CLUAP1: variants seen among roughly 807,000 people sequenced by gnomAD.
CLUAP1 encodes intraflagellar transport 38.
In CLUAP1, 50 loss-of-function variants were observed where a neutral mutation model predicts 55.0. That is an observed-to-expected ratio of 0.91 (90% CI 0.72 to 1.15). The LOEUF is 1.15. Among genes scored for constraint, CLUAP1 ranks in the 50% most tolerant of loss-of-function variants. The pLI, the probability that CLUAP1 is intolerant of heterozygous loss-of-function variation, is 0.00. For synonymous variants in CLUAP1, 195 were observed against 175.4 expected (o/e 1.11, Z -0.88); for missense variants, 530 against 507.6 (o/e 1.04, Z -0.42).
chr16:3,498,896 C>CA (rs35800706), upstream of CLUAP1, among the ~76,000 whole-genome samples: 99 of 151,102 alleles, frequency 6.6e-4, no homozygotes, highest in African/African-American at 2.0e-3. Context: ...ACAACAACAA[C>CA]AAAAAAAAGT....
chr16:3,528,312 A>G (rs1001645107), intron 9 of CLUAP1, among the ~76,000 whole-genome samples: 1 of 152,022 alleles, frequency 6.6e-6, no homozygotes, highest in African/African-American at 2.4e-5. Flanking sequence ...GCTCCCACAC[A>G]CACTCTCTCT....
chr16:3,511,393 C>T (rs780042898), intron 4 of CLUAP1, among the ~76,000 whole-genome samples: 2 of 152,334 alleles, frequency 1.3e-5, no homozygotes, highest in Non-Finnish European at 2.9e-5. Flanking sequence ...GCTAAATCCT[C>T]ATTGTGGTTG....
chr16:3,524,384 G>C (rs2037898637), intron 8 of CLUAP1, among the ~76,000 whole-genome samples: 1 of 151,630 alleles, frequency 6.6e-6, no homozygotes, highest in African/African-American at 2.4e-5. Context: ...GGTGGACCAC[G>C]AGGTCAGGAG....
intron 5 of CLUAP1, among the ~76,000 whole-genome samples, chr16:3,513,694 C>T (rs1047116497): frequency 6.6e-6 from 1 of 152,268 alleles, no homozygotes; most frequent in Middle Eastern, 3.4e-3. Context: ...AAGTGATTCG[C>T]CTTCCTCGGC....
intron 11 of CLUAP1, 119 bp from the exon 12 acceptor site, chr16:3,536,003 C>T: frequency 3.2e-6 from 4 of 1,234,720 alleles, no homozygotes; most frequent in Non-Finnish European, 4.5e-6. Flanking sequence ...GCTTGCCACT[C>T]TGCCAGCCTC....
chr16:3,508,396 G>C lies in CLUAP1; in HGVS notation c.327G>C (p.Lys109Asn). 6.2e-7 allele frequency: 1 copy of C among 1,602,052 alleles called. No homozygotes were observed. Residue 109 changes from lysine (K) to asparagine (N), a missense_variant, in exon 4 of 12, where the codon AAG becomes AAC. Physicochemically the swap from Lys to Asn is moderately conservative, Grantham distance 94 (BLOSUM62 0). Transcript: ENST00000576634. The stretch of plus-strand genomic sequence containing the variant: ...CATCTGTCCTTTATAATGCTATGAA[G>C]ACCAAGGGGATGGAGGGCTCTGAAA... Reference protein sequence around the residue: ...KITSVLYNAMKTKGMEGSEIV... With the variant: ...KITSVLYNAMNTKGMEGSEIV...
chr16:3,533,178 T>C (rs1296585121), intron 11 of CLUAP1: 1 of 1,532,642 alleles, frequency 6.5e-7, no homozygotes, highest in Non-Finnish European at 8.7e-7. Context: ...TTCTGCCTCA[T>C]GTGTTTGTGG....
rs2038226490 is a variant in CLUAP1, at chr16:3,536,121, G to A, written c.1093-1G>A. The A allele has an allele frequency of 1.9e-6, 3 of 1,613,632 alleles. No individual in the cohort carries two copies. Among genetic ancestry groups the A allele is most frequent in the Non-Finnish European group, 1.7e-6 (2 of 1,179,836 alleles). On this transcript the variant is annotated splice_acceptor_variant, in intron 11 of 11. Transcript: ENST00000576634. LOFTEE classifies it high-confidence loss of function. ...TTGCATCTGCCATTTTTTTCCTATA[G>A]GAGGACTCGGAGGAGAGTGAAATTG...
At chr16:3,505,462 G>A (rs192632987) in intron 2 of CLUAP1, among the ~76,000 whole-genome samples, 35 of 151,854 alleles carry the variant, frequency 2.3e-4, no homozygotes, top group South Asian at 4.2e-4. Flanking sequence ...CCCGGGAGGC[G>A]GAGCATGCAG....
chr16:3,506,728 C>T (rs1391700398), intron 3 of CLUAP1, among the ~76,000 whole-genome samples: 2 of 152,006 alleles, frequency 1.3e-5, no homozygotes, highest in Non-Finnish European at 2.9e-5. Flanking sequence ...GTCTCAAACT[C>T]CCGACCTCAA....
In CLUAP1 at chr16:3,504,700, T is replaced by C. The variant is rs747540385; in HGVS notation, c.23-20T>C. 16 of 1,343,394 alleles carry C rather than the reference T, an allele frequency of 1.2e-5. 1 individual carries two copies. In the Admixed American group the frequency reaches 2.0e-4, roughly 17 times the overall value. The allele number at this position is 1,343,394 out of a possible 1,614,324, so 83.2% of individuals were successfully genotyped here. ...GCTGTGTGATGGGGAACTGAATGAA[T>C]TGTATTTTTCCTTGGACAGATTTCA... On this transcript the variant is annotated intron_variant, in intron 1 of 11. Coordinates refer to ENST00000576634, the MANE Select transcript of CLUAP1 (RefSeq NM_015041.3).
At chr16:3,495,998 G>A (rs1301344996), upstream of CLUAP1, among the ~76,000 whole-genome samples, 4 of 152,062 alleles carry the variant, frequency 2.6e-5, no homozygotes, top group Non-Finnish European at 2.9e-5. Flanking sequence ...AAAATTAGCC[G>A]GGCGTCGTGG....
In CLUAP1 at chr16:3,536,367, T is replaced by A. The variant is rs2038232436; in HGVS notation, c.*96T>A. 3.7e-6 allele frequency: 5 copies of A among 1,364,236 alleles called. No homozygotes were observed. Among genetic ancestry groups the A allele is most frequent in the Non-Finnish European group, 5.0e-6 (5 of 991,500 alleles). 84.5% of individuals were successfully genotyped at this position (1,364,236 alleles called of 1,614,324 possible). A position where few individuals can be genotyped will look rare whatever the true frequency, so the allele number is the denominator to read the frequency against. On this transcript the variant is annotated 3_prime_UTR_variant, in exon 12 of 12. Transcript: ENST00000576634. ...GGAAGGTAACCCCTGTTTTGTTTAC[T>A]AAGCTGGCTGGACTCATGATCACTG...
intron 6 of CLUAP1, among the ~76,000 whole-genome samples, chr16:3,517,371 A>G (rs2037748627): frequency 6.6e-6 from 1 of 152,102 alleles, no homozygotes; most frequent in African/African-American, 2.4e-5. Flanking sequence ...CAGTAGCGCC[A>G]TCTCAGCTCA....
At chr16:3,526,533 C>T (rs1184557158) in intron 9 of CLUAP1, 49 bp downstream of exon 9, 5 of 1,311,388 alleles carry the variant, frequency 3.8e-6, no homozygotes, top group Admixed American at 2.4e-5. Context: ...CTAGTATTTT[C>T]AGCCTTGAAA....
chr16:3,495,822 G>A, the CLUAP1 span, among the ~76,000 whole-genome samples: 2 of 152,122 alleles, frequency 1.3e-5, no homozygotes, highest in Non-Finnish European at 2.9e-5. Context: ...ATGCTGAAAA[G>A]GGGCTGGGGG....
intron 9 of CLUAP1, among the ~76,000 whole-genome samples, chr16:3,529,808 A>AATATATAT (rs2038071658): frequency 2.8e-5 from 1 of 35,378 alleles, no homozygotes; most frequent in African/African-American, 1.4e-4. Flanking sequence ...ATTATTATAT[A>AATATATAT]TATATTATAA....
intron 2 of CLUAP1, among the ~76,000 whole-genome samples, chr16:3,505,494 C>A (rs1179732520): frequency 6.7e-6 from 1 of 149,486 alleles, no homozygotes; most frequent in Admixed American, 6.7e-5. Context: ...GTGCAGTGAG[C>A]CGAGATAGCG....
At chr16:3,500,803 A>T, upstream of CLUAP1, 1 of 547,982 alleles carries the variant, frequency 1.8e-6, no homozygotes, top group South Asian at 2.2e-5. Context: ...GTGTAAACAG[A>T]CGCCCAGAAG....
Sources: allele counts gnomAD v4.1 joint callset (sites outside exome capture counted in the v4.1 genomes callset), GRCh38; gene constraint gnomAD v4.1.1; transcripts MANE v1.5; gene names NCBI Gene and HGNC (gene_info 2026-07-23, HGNC 2026-07-21).